The following SLC6A11 variants were observed in gnomAD, a reference collection of about 807,000 sequenced individuals.
SLC6A11 encodes sodium- and chloride-dependent GABA transporter 3.
Under a neutral mutation model 74.8 loss-of-function variants are expected in SLC6A11, and 25 were observed. The ratio of observed to expected loss-of-function variants is 0.33; its 90% CI spans 0.24 to 0.47. SLC6A11 has a LOEUF of 0.47. Among genes scored for constraint, SLC6A11 ranks in the 20% least tolerant of loss-of-function variants. The pLI, the probability that SLC6A11 is intolerant of heterozygous loss-of-function variation, is 1.00. For synonymous variants in SLC6A11, 330 were observed against 330.2 expected (o/e 1.00, Z 0.01); for missense variants, 574 against 837.0 (o/e 0.69, Z 3.88).
At chr3:10,851,321 G>A (rs1247928423) in intron 5 of SLC6A11, among the ~76,000 whole-genome samples, 1 of 151,524 alleles carries the variant, frequency 6.6e-6, no homozygotes, top group African/African-American at 2.4e-5. Flanking sequence ...GATTAGCTGG[G>A]ATTTTAAGAA....
At chr3:10,886,931 T>A (rs1022620018) in intron 6 of SLC6A11, among the ~76,000 whole-genome samples, 20 of 152,234 alleles carry the variant, frequency 1.3e-4, no homozygotes, top group African/African-American at 4.8e-4. Flanking sequence ...GTGTTCATTG[T>A]TAATATCCCC....
intron 5 of SLC6A11, among the ~76,000 whole-genome samples, chr3:10,873,683 C>CAT (rs1694867486): frequency 8.5e-6 from 1 of 117,096 alleles, no homozygotes; most frequent in Non-Finnish European, 1.7e-5. Context: ...CTATCCTATC[C>CAT]CGTCCCATCC....
intron 6 of SLC6A11, among the ~76,000 whole-genome samples, chr3:10,902,156 T>G (rs1254316918): frequency 6.6e-6 from 1 of 152,162 alleles, no homozygotes; most frequent in African/African-American, 2.4e-5. Flanking sequence ...GGCTGTGGGT[T>G]GGAAGCCCCA....
rs1559587339 is a variant in SLC6A11, at chr3:10,929,301, G to A, written c.1333G>A (p.Val445Ile). ...RRELLILALS[V>I]ISYFLGLVML... ...GGAGCTGCTCATCCTAGCCTTGTCT[G>A]TTATCTCCTATTTTCTGGGCCTCGT... Residue 445 changes from valine to isoleucine, a missense_variant, in exon 10 of 14, where the codon GTT becomes ATT. Transcript: ENST00000254488. 3.7e-6 allele frequency: 6 copies of A among 1,614,128 alleles called. No individual in the cohort carries two copies. Among genetic ancestry groups the A allele is most frequent in the African/African-American group, 2.7e-5 (2 of 75,030 alleles).
At chr3:10,891,223 T>C (rs1695104465) in intron 6 of SLC6A11, among the ~76,000 whole-genome samples, 1 of 152,238 alleles carries the variant, frequency 6.6e-6, no homozygotes, top group South Asian at 2.1e-4. Context: ...CTGGGAGAAT[T>C]TTCTATCTTC....
intron 6 of SLC6A11, among the ~76,000 whole-genome samples, chr3:10,884,688 C>A (rs572749733): frequency 6.6e-5 from 10 of 152,288 alleles, no homozygotes; most frequent in African/African-American, 2.2e-4. Flanking sequence ...GCATCCCAAA[C>A]CTATGTGACA....
chr3:10,867,598 T>TGA (rs922404108), intron 5 of SLC6A11, among the ~76,000 whole-genome samples: 1 of 152,214 alleles, frequency 6.6e-6, no homozygotes. Context: ...TTTGGCTGAC[T>TGA]GAGAGAGCAA....
Position 10,929,130 on chromosome 3 carries a change from G to A in SLC6A11, c.1234-72G>A, listed in dbSNP as rs983315403. 1.2e-5 allele frequency: 18 copies of A among 1,549,086 alleles called. No homozygotes were observed. In the African/African-American group the frequency reaches 1.5e-4, roughly 13 times the overall value. On this transcript the variant is annotated intron_variant, in intron 9 of 13. Transcript: ENST00000254488. ...GAAGCCCAGGGTTCAGGCCTGCTGC[G>A]CTTGCCCAGAGCCTGGGCCACCAGG... is the stretch of plus-strand genomic sequence containing the variant.
At chr3:10,892,281 A>G (rs932784753) in intron 6 of SLC6A11, among the ~76,000 whole-genome samples, 1 of 152,262 alleles carries the variant, frequency 6.6e-6, no homozygotes, top group African/African-American at 2.4e-5. Flanking sequence ...TGAGTCCTGC[A>G]TAATGTTCAC....
chr3:10,896,070 C>T (rs557335280), intron 6 of SLC6A11, among the ~76,000 whole-genome samples: 5 of 152,354 alleles, frequency 3.3e-5, no homozygotes, highest in Admixed American at 3.3e-4. Context: ...TCCACTGGGC[C>T]TGGCAAAGGA....
intron 8 of SLC6A11, among the ~76,000 whole-genome samples, chr3:10,921,209 A>C (rs1043485371): frequency 6.6e-6 from 1 of 152,104 alleles, no homozygotes; most frequent in African/African-American, 2.4e-5. Context: ...CTTCTAGGGG[A>C]ATGATTTTAC....
rs377027932 is a variant in SLC6A11 at position 10,940,176 on chromosome 3, C to T, written c.*1774C>T. On this transcript the variant is annotated 3_prime_UTR_variant, in exon 14 of 14. Coordinates refer to ENST00000254488, the MANE Select transcript of SLC6A11 (RefSeq NM_014229.3). ...CCTCTGTGCACACAGTTCAGGCCTG[C>T]CCAGCTTCTTATGGGCAAGCCACCA... is the stretch of plus-strand genomic sequence containing the variant. 6.6e-6 allele frequency: 1 copy of T among 152,254 alleles called. No homozygotes were observed. Among genetic ancestry groups the T allele is most frequent in the South Asian group, 2.1e-4 (1 of 4,832 alleles). The allele number at this position is 152,254 out of a possible 1,614,324, so 9.4% of individuals were successfully genotyped here. A position where few individuals can be genotyped will look rare whatever the true frequency, so the allele number is the denominator to read the frequency against.
chr3:10,934,187 C>T, intron 12 of SLC6A11, 21 bp downstream of exon 12: 1 of 1,513,170 alleles, frequency 6.6e-7, no homozygotes, highest in South Asian at 1.1e-5. Context: ...CACCAGGAGC[C>T]ACCTCCAGCC....
intron 9 of SLC6A11, among the ~76,000 whole-genome samples, chr3:10,928,641 A>C (rs1040036125): frequency 1.3e-4 from 20 of 152,120 alleles, no homozygotes; most frequent in Non-Finnish European, 2.5e-4. Context: ...AGCAGAGACA[A>C]AGAGCTGGAA....
At chr3:10,821,695 G>A (rs911464728) in intron 3 of SLC6A11, among the ~76,000 whole-genome samples, 45 of 152,010 alleles carry the variant, frequency 3.0e-4, no homozygotes, top group East Asian at 5.8e-4. Context: ...TTAATTTGAC[G>A]TTTATAATTG....
rs149598471 is a variant in SLC6A11 at position 10,933,243 on chromosome 3, C to T, written c.1464C>T (p.Gly488=). The change falls in exon 11 of 14, where the codon GGC becomes GGT. Residue 488 remains glycine, a synonymous_variant. Coordinates refer to ENST00000254488, the MANE Select transcript of SLC6A11 (RefSeq NM_014229.3). ...FVAIFECICI[G]WVYGSNRFYD... is the part of the protein sequence containing the mutation. ...CCATCTTTGAGTGCATCTGCATCGG[C>T]TGGGTGTATGGTGAGTAGCAGCCAA... is the stretch of plus-strand genomic sequence containing the variant. The T allele has an allele frequency of 1.0e-3, 1,685 of 1,613,162 alleles. 6 individuals are homozygous for T. The highest frequency in any genetic ancestry group is 1.3e-3 in the South Asian group (115 of 91,062).
chr3:10,883,336 G>T (rs937451702), intron 6 of SLC6A11, among the ~76,000 whole-genome samples: 7 of 152,156 alleles, frequency 4.6e-5, no homozygotes, highest in African/African-American at 1.7e-4. Flanking sequence ...AGGGGATCTT[G>T]CAAGAAATCA....
chr3:10,888,989 C>A (rs1040626627), intron 6 of SLC6A11, among the ~76,000 whole-genome samples: 1 of 152,146 alleles, frequency 6.6e-6, no homozygotes, highest in African/African-American at 2.4e-5. Flanking sequence ...ATGAGTAAGA[C>A]ACATTTCCTG....
At chr3:10,905,986 G>A (rs546115632) in intron 6 of SLC6A11, among the ~76,000 whole-genome samples, 1 of 152,266 alleles carries the variant, frequency 6.6e-6, no homozygotes, top group East Asian at 1.9e-4. Context: ...TATGTCTCTA[G>A]CCCAGACATC....
Sources: allele counts gnomAD v4.1 joint callset (sites outside exome capture counted in the v4.1 genomes callset), GRCh38; gene constraint gnomAD v4.1.1; transcripts MANE v1.5; gene names NCBI Gene and HGNC (gene_info 2026-07-23, HGNC 2026-07-21).